The following MANBA variants were observed in gnomAD, a reference collection of about 807,000 sequenced individuals.
MANBA encodes the protein beta-mannosidase.
In MANBA, 83 loss-of-function variants were observed where a neutral mutation model predicts 111.1. The observed-to-expected ratio is 0.75, with a 90% CI of 0.63 to 0.90. MANBA has a LOEUF of 0.90. Ranked by LOEUF, MANBA falls within the 40% of genes least tolerant of loss-of-function variation. MANBA has a pLI of 0.00. For synonymous variants in MANBA, 370 were observed against 378.7 expected, an observed-to-expected ratio of 0.98 and a Z score of 0.27; for missense variants, 1,036 against 1,069.0, an observed-to-expected ratio of 0.97 and a Z score of 0.43.
intron 7 of MANBA, among the ~76,000 whole-genome samples, chr4:102,686,864 C>T (rs1732241101): frequency 1.3e-5 from 2 of 152,168 alleles, no homozygotes; most frequent in Non-Finnish European, 2.9e-5. Flanking sequence ...CATCCGCTAC[C>T]ATGGCTACAA....
chr4:102,700,095 A>C (rs1732947660), intron 5 of MANBA, among the ~76,000 whole-genome samples: 1 of 147,880 alleles, frequency 6.8e-6, no homozygotes, highest in Admixed American at 6.7e-5. Flanking sequence ...GGGAGAGTGT[A>C]TGTGTCGAGG....
intron 6 of MANBA, among the ~76,000 whole-genome samples, chr4:102,689,945 T>C (rs1732400833): frequency 6.6e-6 from 1 of 152,100 alleles, no homozygotes; most frequent in Admixed American, 6.6e-5. Flanking sequence ...AAAACAACTC[T>C]CCCTATCCCT....
In MANBA at chr4:102,726,582, T is replaced by C. The variant is rs774598569; in HGVS notation, c.272+7A>G. The C allele has an allele frequency of 7.1e-6, 10 of 1,400,424 alleles. No individual in the cohort carries two copies. Among genetic ancestry groups the C allele is most frequent in the Admixed American group, 5.1e-5 (3 of 59,290 alleles). The allele number at this position is 1,400,424 out of a possible 1,614,324, so 86.7% of individuals were successfully genotyped here. On this transcript the variant is annotated splice_region_variant and intron_variant, in intron 2 of 16. Coordinates refer to ENST00000647097, the MANE Select transcript of MANBA (RefSeq NM_005908.4). ...AATAATAAAAATACACCCACAAACATACATACCTAATTTCAAAGGGGATTT... is the reference window on the plus strand; with the variant it reads ...AATAATAAAAATACACCCACAAACACACATACCTAATTTCAAAGGGGATTT...
chr4:102,700,488 G>A (rs1421351576), intron 5 of MANBA, among the ~76,000 whole-genome samples: 6 of 151,670 alleles, frequency 4.0e-5, no homozygotes, highest in Non-Finnish European at 5.9e-5. Flanking sequence ...TTTCTCTTGT[G>A]GGCATTTAGT....
intron 9 of MANBA, among the ~76,000 whole-genome samples, chr4:102,670,475 A>G (rs1270698250): frequency 6.6e-6 from 1 of 152,210 alleles, no homozygotes; most frequent in Non-Finnish European, 1.5e-5. Context: ...ATTTTAGAAC[A>G]ACAATAATAG....
At position 102,631,807 on chromosome 4, in the gene MANBA, G is replaced by T; in HGVS notation, c.*250C>A. ...TCCTGCTAAAGCTGAGAGGTGAAGG[G>T]CTAAAAACACAGTCCTGGCACAGAT... is the stretch of plus-strand genomic sequence containing the variant. On this transcript the variant is annotated 3_prime_UTR_variant, in exon 17 of 17. Coordinates refer to ENST00000647097, the MANE Select transcript of MANBA (RefSeq NM_005908.4). 1.7e-6 allele frequency: 1 copy of T among 604,066 alleles called. No homozygotes were observed. Among genetic ancestry groups the T allele is most frequent in the Non-Finnish European group, 2.9e-6 (1 of 339,968 alleles). 37.4% of individuals were successfully genotyped at this position (604,066 alleles called of 1,614,324 possible).
At chr4:102,683,935 A>G (rs1240190584) in intron 7 of MANBA, among the ~76,000 whole-genome samples, 2 of 152,124 alleles carry the variant, frequency 1.3e-5, no homozygotes, top group African/African-American at 4.8e-5. Flanking sequence ...AGTCATCAAG[A>G]TATTCTGCCA....
intron 1 of MANBA, among the ~76,000 whole-genome samples, chr4:102,738,694 T>C (rs537766682): frequency 6.6e-6 from 1 of 152,076 alleles, no homozygotes; most frequent in Non-Finnish European, 1.5e-5. Context: ...CAAAACAAGG[T>C]TCTATAACAC....
At chr4:102,682,452 G>T (rs1207998898) in intron 7 of MANBA, among the ~76,000 whole-genome samples, 1 of 152,096 alleles carries the variant, frequency 6.6e-6, no homozygotes, top group Non-Finnish European at 1.5e-5. Context: ...AGGGCTAACT[G>T]CTCCCAAGGC....
At chr4:102,633,485 G>A (rs1319137266) in intron 16 of MANBA, 2 of 398,510 alleles carry the variant, frequency 5.0e-6, no homozygotes, top group East Asian at 3.6e-5. Context: ...TGGCTTCAGG[G>A]AGACAGGGAG....
At chr4:102,664,957 T>G in intron 10 of MANBA, 105 bp from the exon 11 acceptor site, 1 of 875,692 alleles carries the variant, frequency 1.1e-6, no homozygotes, top group South Asian at 1.5e-5. Flanking sequence ...GCACATAAAT[T>G]CTTATGTGCC....
chr4:102,727,728 C>A (rs1180179282), intron 1 of MANBA: 15 of 898,924 alleles, frequency 1.7e-5, no homozygotes, highest in Non-Finnish European at 2.8e-5. Context: ...AGAGATGGTG[C>A]CTTCTGGCAT....
chr4:102,727,480 A>G, intron 1 of MANBA: 1 of 1,521,418 alleles, frequency 6.6e-7, no homozygotes. Context: ...GGTCCAGATA[A>G]CATGAGAAAT....
intron 4 of MANBA, among the ~76,000 whole-genome samples, chr4:102,716,309 CAAAAAAAAAAAA>C (rs56345161): frequency 1.0e-4 from 4 of 39,114 alleles, no homozygotes; most frequent in East Asian, 1.9e-3. Context: ...AACTCAGTCT[CAAAAAAAAAAAA>C]AAAAAAAAAA....
chr4:102,698,892 G>A (rs532596980), intron 5 of MANBA, among the ~76,000 whole-genome samples: 3 of 151,764 alleles, frequency 2.0e-5, no homozygotes, highest in Admixed American at 6.6e-5. Flanking sequence ...AATTCTGTGA[G>A]GAAAGTCATT....
At chr4:102,636,299 A>C (rs896280411) in intron 14 of MANBA, among the ~76,000 whole-genome samples, 3 of 152,222 alleles carry the variant, frequency 2.0e-5, no homozygotes, top group Admixed American at 6.5e-5. Flanking sequence ...AAACAAACCA[A>C]GATGGTATAG....
intron 12 of MANBA, among the ~76,000 whole-genome samples, chr4:102,651,349 A>C (rs1730325127): frequency 6.6e-6 from 1 of 152,066 alleles, no homozygotes; most frequent in South Asian, 2.1e-4. Flanking sequence ...TAGGATCTTT[A>C]TTTTATCCCC....
intron 16 of MANBA, chr4:102,633,517 T>G (rs1012485271): frequency 2.5e-6 from 1 of 398,118 alleles, no homozygotes; most frequent in African/African-American, 2.1e-5. Context: ...GGCATCTCCC[T>G]TGAGAAAAGA....
At chr4:102,732,383 G>T (rs1001834301) in intron 1 of MANBA, among the ~76,000 whole-genome samples, 1 of 152,320 alleles carries the variant, frequency 6.6e-6, no homozygotes, top group Middle Eastern at 3.4e-3. Flanking sequence ...TTTCCTTAGG[G>T]ACCGTAACTC....
Sources: allele counts gnomAD v4.1 joint callset (sites outside exome capture counted in the v4.1 genomes callset), GRCh38; gene constraint gnomAD v4.1.1; transcripts MANE v1.5; gene names NCBI Gene and HGNC (gene_info 2026-07-23, HGNC 2026-07-21).